The following PCDHGA4 variants were observed in gnomAD, a reference collection of about 807,000 sequenced individuals.
PCDHGA4 encodes protocadherin gamma subfamily A, 4.
A neutral mutation model predicts 54.6 loss-of-function variants in PCDHGA4; 38 were observed. That is an observed-to-expected ratio of 0.70 (90% CI 0.54 to 0.91). The LOEUF (loss-of-function observed/expected upper bound fraction) is 0.91. PCDHGA4 is among the 40% of genes least tolerant of loss of function. The pLI, the probability that PCDHGA4 is intolerant of heterozygous loss-of-function variation, is 0.00. For synonymous variants in PCDHGA4, 511 were observed against 512.9 expected (o/e 1.00, Z 0.05); for missense variants, 1,298 against 1,220.9 (o/e 1.06, Z -0.94).
At chr5:141,494,902 C>A (rs2099757367) in intron 2 of PCDHGA4, 37 bp downstream of exon 2, 1 of 1,614,024 alleles carries the variant, frequency 6.2e-7, no homozygotes, top group East Asian at 2.2e-5. Context: ...CTCTTCTCTG[C>A]GGCATTTTCT....
chr5:141,415,579 A>G, intron 1 of PCDHGA4: 1 of 1,614,072 alleles, frequency 6.2e-7, no homozygotes, highest in East Asian at 2.2e-5. Flanking sequence ...AGATGATTCG[A>G]AGTTTCCTAT....
At position 141,372,056 on chromosome 5, in the gene PCDHGA4, C is replaced by T. The variant is rs1228124665; in HGVS notation, c.2514+14435C>T. ...TGAGCCTGCGCGTGTTGGTGGACGACCGCAACGACAATGCACCGCTGGTGC... is the reference window on the plus strand; with the variant it reads ...TGAGCCTGCGCGTGTTGGTGGACGATCGCAACGACAATGCACCGCTGGTGC... On this transcript the variant is annotated intron_variant, in intron 1 of 3. Transcript: ENST00000571252. The T allele has an allele frequency of 4.3e-6, 7 of 1,613,578 alleles. No individual in the cohort carries two copies. In the East Asian group the frequency reaches 1.6e-4, roughly 36 times the overall value.
At chr5:141,425,719 A>G (rs2096890303) in intron 1 of PCDHGA4, among the ~76,000 whole-genome samples, 1 of 152,200 alleles carries the variant, frequency 6.6e-6, no homozygotes. Context: ...TTCCCATACC[A>G]CTTGATGGGG....
intron 1 of PCDHGA4, chr5:141,370,391 C>A (rs1766857480): frequency 1.9e-6 from 3 of 1,542,934 alleles, no homozygotes; most frequent in African/African-American, 1.4e-5. Context: ...GCGCAGAGAG[C>A]GGGATGGGAA....
At chr5:141,388,405 C>A in intron 1 of PCDHGA4, 1 of 1,613,892 alleles carries the variant, frequency 6.2e-7, no homozygotes, top group Non-Finnish European at 8.5e-7. Context: ...CAACTCAGTC[C>A]CAGTGATCAT....
intron 1 of PCDHGA4, among the ~76,000 whole-genome samples, chr5:141,449,007 T>A (rs937327801): frequency 3.3e-5 from 5 of 152,116 alleles, no homozygotes; most frequent in African/African-American, 1.2e-4. Context: ...CTGTTTTTTT[T>A]AACAGTTGCT....
chr5:141,367,008 A>G (rs1359337348), intron 1 of PCDHGA4: 3 of 436,014 alleles, frequency 6.9e-6, no homozygotes, highest in Admixed American at 4.1e-5. Flanking sequence ...CATTTTACCC[A>G]AATATTTTGT....
intron 1 of PCDHGA4, chr5:141,370,925 C>T (rs1292549749): frequency 1.9e-6 from 3 of 1,614,008 alleles, no homozygotes; most frequent in Non-Finnish European, 2.5e-6. Context: ...CTGATCCGCA[C>T]TTCTCTTTGA....
chr5:141,430,234 A>G (rs2097268213), intron 1 of PCDHGA4, among the ~76,000 whole-genome samples: 1 of 130,034 alleles, frequency 7.7e-6, no homozygotes, highest in South Asian at 2.4e-4. Flanking sequence ...TGTCAAAAAG[A>G]GAAACTCCTA....
chr5:141,371,726 T>C (rs769173416), intron 1 of PCDHGA4: 1 of 1,614,050 alleles, frequency 6.2e-7, no homozygotes, highest in Non-Finnish European at 8.5e-7. Flanking sequence ...ACATCCTTGA[T>C]GTCAACGACA....
intron 1 of PCDHGA4, chr5:141,423,750 TGGGGG>T: frequency 5.2e-5 from 15 of 287,416 alleles, no homozygotes; most frequent in Non-Finnish European, 6.3e-5. Context: ...GAAAACTGTT[TGGGGG>T]GGGGGTGGGG....
rs757674087 is a variant in PCDHGA4 at position 141,356,453 on chromosome 5, A to G, written c.1346A>G (p.Tyr449Cys). 46 of 1,613,242 alleles carry G rather than the reference A, an allele frequency of 2.9e-5. No individual in the cohort carries two copies. Among genetic ancestry groups the G allele is most frequent in the Admixed American group, 1.3e-4 (8 of 59,874 alleles). Residue 449 changes from tyrosine to cysteine, a missense_variant, in exon 1 of 4, where the codon TAT (tyrosine) becomes TGT (cysteine). By Grantham distance (194) the Tyr-to-Cys change is radical (BLOSUM62 -2). Coordinates refer to ENST00000571252, the MANE Select transcript of PCDHGA4 (RefSeq NM_018917.4). ...RTLDREEVSE[Y>C]NITVTATDQG... ...CTGGACAGGGAAGAAGTCTCAGAAT[A>G]TAACATCACTGTAACTGCCACTGAC...
chr5:141,375,835 C>A (rs772317330), intron 1 of PCDHGA4: 22 of 1,613,984 alleles, frequency 1.4e-5, no homozygotes, highest in Admixed American at 1.7e-5. Flanking sequence ...CCGCAGAGCC[C>A]GGCTACCTGG....
chr5:141,415,590 A>G lies in PCDHGA4; in HGVS notation c.2514+57969A>G, dbSNP rs201666137. On this transcript the variant is annotated intron_variant, in intron 1 of 3. Transcript: ENST00000571252. ...TGTTAGATGATTCGAAGTTTCCTAT[A>G]GAGGATACCCCATTGGTTCCAGTGA... 60 of 1,613,946 alleles carry G rather than the reference A, an allele frequency of 3.7e-5. 1 individual carries two copies. The African/African-American group carries it at 7.2e-4, about 19-fold the overall frequency.
At chr5:141,494,223 C>T (rs1435042163) in intron 1 of PCDHGA4, among the ~76,000 whole-genome samples, 2 of 152,192 alleles carry the variant, frequency 1.3e-5, no homozygotes, top group African/African-American at 4.8e-5. Context: ...TGGCATGACT[C>T]CTAAATTAAT....
At position 141,491,735 on chromosome 5, in the gene PCDHGA4, G is replaced by C. The variant is rs765837152; in HGVS notation, c.2515-3072G>C. ...TCGGCGCCGCCCCGGGCGACCCCTG[G>C]GGGCGGCACTGGAGAAGCCGCCCGT... On this transcript the variant is annotated intron_variant, in intron 1 of 3. Coordinates refer to ENST00000571252, the MANE Select transcript of PCDHGA4 (RefSeq NM_018917.4). The surrounding 1 kb of genome is among the most constrained non-coding windows in gnomAD (Gnocchi z 6.9). 2.5e-6 allele frequency: 4 copies of C among 1,601,968 alleles called. No homozygotes were observed. In the South Asian group the frequency reaches 4.4e-5, roughly 18 times the overall value.
At chr5:141,380,843 G>T (rs1262602096) in intron 1 of PCDHGA4, among the ~76,000 whole-genome samples, 2 of 152,142 alleles carry the variant, frequency 1.3e-5, no homozygotes, top group African/African-American at 4.8e-5. Flanking sequence ...AGGTAAAAAT[G>T]GATCAAGACA....
intron 1 of PCDHGA4, chr5:141,360,361 A>G (rs778766026): frequency 6.2e-7 from 1 of 1,613,910 alleles, no homozygotes; most frequent in Non-Finnish European, 8.5e-7. Flanking sequence ...GGAATATTTC[A>G]CAGTAAACCC....
chr5:141,368,520 A>G (rs886509819), intron 1 of PCDHGA4, among the ~76,000 whole-genome samples: 7 of 152,168 alleles, frequency 4.6e-5, no homozygotes, highest in Admixed American at 6.5e-5. Flanking sequence ...ATTCACTCCT[A>G]TGTGAAAACT....
Sources: allele counts gnomAD v4.1 joint callset (sites outside exome capture counted in the v4.1 genomes callset), GRCh38; gene constraint gnomAD v4.1.1; non-coding constraint Gnocchi (gnomAD v3.1); transcripts MANE v1.5; gene names NCBI Gene and HGNC (gene_info 2026-07-23, HGNC 2026-07-21).